The following ANAPC4 variants were observed in gnomAD, a reference collection of about 807,000 sequenced individuals.
ANAPC4 encodes anaphase promoting complex subunit 4, also known as anaphase-promoting complex subunit 4.
In ANAPC4, 63 loss-of-function variants were observed where a neutral mutation model predicts 119.8. The ratio of observed to expected loss-of-function variants is 0.53; its 90% CI spans 0.43 to 0.65. ANAPC4 has a LOEUF of 0.65. Ranked by LOEUF, ANAPC4 falls within the 30% of genes least tolerant of loss-of-function variation. The pLI is 0.00. For synonymous variants in ANAPC4, 283 were observed against 318.6 expected (o/e 0.89, Z 1.19); for missense variants, 716 against 945.1 (o/e 0.76, Z 3.18).
At position 25,380,410 on chromosome 4, in the gene ANAPC4, T is replaced by C; in HGVS notation, c.166T>C (p.Trp56Arg). The C allele has an allele frequency of 6.2e-7, 1 of 1,613,434 alleles. No individual in the cohort carries two copies. Among genetic ancestry groups the C allele is most frequent in the East Asian group, 2.2e-5 (1 of 44,862 alleles). Residue 56 changes from tryptophan to arginine, a missense_variant, in exon 3 of 29, where the codon TGG becomes CGG. Trp to Arg is a moderately radical substitution (Grantham distance 101). This residue lies in a region of ANAPC4 where 202 missense variants were observed against 293.5 expected (regional missense o/e 0.69). Transcript: ENST00000315368. Reference protein sequence around the residue: ...LHRLASFHRVWSFPPNENTGK... With the variant: ...LHRLASFHRVRSFPPNENTGK... The stretch of plus-strand genomic sequence containing the variant: ...TCGACTGGCAAGTTTTCATCGAGTT[T>C]GGAGTTTTCCACCAAATGAAAATAC...
rs745672751 is a variant in ANAPC4 at position 25,383,244 on chromosome 4, G to GT, written c.236-11dup. ...ATTGTTACACTAATTTATTCTGATT[G>GT]TTTTTTCTTGTTTTAGTTTTGGCCT... On this transcript the variant is annotated splice_polypyrimidine_tract_variant and intron_variant, in intron 3 of 28. Coordinates refer to ENST00000315368, the MANE Select transcript of ANAPC4 (RefSeq NM_013367.3). 3.2e-6 allele frequency: 5 copies of GT among 1,579,706 alleles called. No homozygotes were observed. In the South Asian group the frequency reaches 6.0e-5, roughly 19 times the overall value.
Position 25,418,171 on chromosome 4 carries a change from G to A in ANAPC4, c.2216G>A (p.Arg739His), listed in dbSNP as rs1723984585. The change falls in exon 29 of 29, where the codon CGT becomes CAT. Residue 739 changes from arginine to histidine, a missense_variant. Around this residue, in one of 3 missense-constraint regions of ANAPC4, gnomAD observed 504 missense variants for 615.8 expected, o/e 0.82. Transcript: ENST00000315368. ...CTTTTTTAGTTAAGCTCAAATCTTC[G>A]TCATGTGAGAGTATTTGAAATGGAC... Reference protein sequence around the residue: ...KVSCVLSSNLRHVRVFEMDID... With the variant: ...KVSCVLSSNLHHVRVFEMDID... 1.2e-5 allele frequency: 19 copies of A among 1,611,700 alleles called. No homozygotes were observed. Among genetic ancestry groups the A allele is most frequent in the Non-Finnish European group, 1.5e-5 (18 of 1,179,084 alleles).
At chr4:25,385,259 G>T (rs1721966434) in intron 4 of ANAPC4, among the ~76,000 whole-genome samples, 1 of 152,084 alleles carries the variant, frequency 6.6e-6, no homozygotes. Flanking sequence ...TATTTCACTG[G>T]CTTTAAAATA....
At position 25,416,538 on chromosome 4, in the gene ANAPC4, C is replaced by A; in HGVS notation, c.2015C>A (p.Ser672Tyr). 6.2e-7 allele frequency: 1 copy of A among 1,606,500 alleles called. No individual in the cohort carries two copies. Among genetic ancestry groups the A allele is most frequent in the Non-Finnish European group, 8.5e-7 (1 of 1,174,560 alleles). ...RDRLLVQLPL[S>Y]LVYNSEDSAE... is the part of the protein sequence containing the mutation. ...AGACTCTTGGTCCAGCTGCCTTTGT[C>A]TTTAGTATATAACAGTGAAGATTCT... Residue 672 changes from serine to tyrosine, a missense_variant, in exon 27 of 29, where the codon TCT (serine) becomes TAT (tyrosine). Ser to Tyr is a moderately radical substitution (Grantham distance 144, BLOSUM62 -2). This residue lies in a region of ANAPC4 where 504 missense variants were observed against 615.8 expected (regional missense o/e 0.82). Transcript: ENST00000315368.
chr4:25,415,148 G>C, intron 25 of ANAPC4: 1 of 231,478 alleles, frequency 4.3e-6, no homozygotes, highest in Non-Finnish European at 8.2e-6. Flanking sequence ...GAAATTGAAA[G>C]TAGAAGTTCT....
At chr4:25,399,149 G>A (rs796373356) in intron 16 of ANAPC4, among the ~76,000 whole-genome samples, 13 of 152,032 alleles carry the variant, frequency 8.6e-5, no homozygotes, top group African/African-American at 2.7e-4. Flanking sequence ...TATATCAGGT[G>A]CCTTTTACCT....
intron 3 of ANAPC4, among the ~76,000 whole-genome samples, chr4:25,381,764 A>G (rs1721740523): frequency 1.3e-5 from 2 of 152,300 alleles, no homozygotes; most frequent in South Asian, 4.1e-4. Context: ...CCTGGCCAAT[A>G]TGGTGAAACC....
At position 25,418,250 on chromosome 4, in the gene ANAPC4, T is replaced by C; in HGVS notation, c.2295T>C (p.Ser765=). The C allele has an allele frequency of 1.2e-6, 2 of 1,614,098 alleles. No individual in the cohort carries two copies. Among genetic ancestry groups the C allele is most frequent in the Non-Finnish European group, 8.5e-7 (1 of 1,179,976 alleles). Residue 765 remains serine, a synonymous_variant, in exon 29 of 29, where the codon AGT becomes AGC. Coordinates refer to ENST00000315368, the MANE Select transcript of ANAPC4 (RefSeq NM_013367.3). ...DESSDEEEEA[S]NKPVKIKEEV... ...CTTCAGATGAAGAGGAGGAGGCCAG[T>C]AATAAGCCTGTAAAAATAAAGGAAG...
intron 16 of ANAPC4, among the ~76,000 whole-genome samples, chr4:25,398,544 A>G (rs1406096785): frequency 6.6e-6 from 1 of 152,200 alleles, no homozygotes; most frequent in Non-Finnish European, 1.5e-5. Flanking sequence ...GACAGGTGAT[A>G]GAGGATGGCC....
rs1721447781 is a variant in ANAPC4, at chr4:25,377,275, G to T, written c.-80G>T. 1.8e-6 allele frequency: 2 copies of T among 1,089,972 alleles called. No homozygotes were observed. Among genetic ancestry groups the T allele is most frequent in the African/African-American group, 3.2e-5 (2 of 61,984 alleles). 67.5% of individuals were successfully genotyped at this position (1,089,972 alleles called of 1,614,324 possible). A position where few individuals can be genotyped will look rare whatever the true frequency, so the allele number is the denominator to read the frequency against. ...GGGGCGGGGCGGCCTGGAGGCTGTG[G>T]CGCGCGGCCGGCAGAGGGAGGGGAG... On this transcript the variant is annotated 5_prime_UTR_variant, in exon 1 of 29. Transcript: ENST00000315368.
chr4:25,398,614 A>C (rs926173044), intron 16 of ANAPC4, among the ~76,000 whole-genome samples: 5 of 152,284 alleles, frequency 3.3e-5, no homozygotes, highest in South Asian at 4.2e-4. Flanking sequence ...GGATGTAAAG[A>C]GAAGCCCTTG....
intron 25 of ANAPC4, 170 bp from the exon 26 acceptor site, chr4:25,415,294 CTG>C (rs777592588): frequency 8.4e-6 from 4 of 475,908 alleles, no homozygotes; most frequent in African/African-American, 2.0e-5. Flanking sequence ...TCTTTGGTGA[CTG>C]TGTGATTTTA....
Position 25,405,619 on chromosome 4 carries a change from G to C in ANAPC4, c.1317G>C (p.Lys439Asn). 1 of 1,613,524 alleles carries C rather than the reference G, an allele frequency of 6.2e-7. No homozygotes were observed. The highest frequency in any genetic ancestry group is 8.5e-7 in the Non-Finnish European group (1 of 1,179,590). The change falls in exon 18 of 29, where the codon AAG (lysine) becomes AAC (asparagine). Residue 439 changes from lysine (K) to asparagine (N), a missense_variant and splice_region_variant. Physicochemically the swap from Lys to Asn is moderately conservative, Grantham distance 94 (BLOSUM62 0). Transcript: ENST00000315368. This position sits in a 1 kb window ranked among gnomAD's most constrained non-coding sequence, Gnocchi z 4.6. The stretch of plus-strand genomic sequence containing the variant: ...ACCATGTGCTTCCCGAGCTGAATAA[G>C]GTAGTATGTACTAGTGCATTTTCAC... ...TEDHVLPELN[K>N]MTQKDITFVA... is the part of the protein sequence containing the mutation.
At chr4:25,385,878 T>C (rs991164229) in intron 4 of ANAPC4, among the ~76,000 whole-genome samples, 2 of 152,206 alleles carry the variant, frequency 1.3e-5, no homozygotes, top group Non-Finnish European at 2.9e-5. Flanking sequence ...GGCCAGTAAA[T>C]AGAGCAGTTA....
At chr4:25,392,276 A>G in intron 9 of ANAPC4, 62 bp from the exon 10 acceptor site, 1 of 1,202,350 alleles carries the variant, frequency 8.3e-7, no homozygotes, top group East Asian at 2.3e-5. Flanking sequence ...CCACACTCTA[A>G]ATTACAGACT....
At chr4:25,410,796 A>G (rs1269238605) in intron 21 of ANAPC4, among the ~76,000 whole-genome samples, 2 of 152,212 alleles carry the variant, frequency 1.3e-5, no homozygotes, top group Non-Finnish European at 2.9e-5. Flanking sequence ...GCACAAAATT[A>G]TTAAATATAT....
At chr4:25,399,492 A>AT (rs1340124534) in intron 16 of ANAPC4, among the ~76,000 whole-genome samples, 2 of 151,750 alleles carry the variant, frequency 1.3e-5, no homozygotes, top group South Asian at 2.1e-4. Flanking sequence ...GGGTTATCTG[A>AT]TTTTTTTTAA....
intron 4 of ANAPC4, among the ~76,000 whole-genome samples, chr4:25,384,817 T>C (rs1217147366): frequency 6.6e-6 from 1 of 151,668 alleles, no homozygotes; most frequent in Non-Finnish European, 1.5e-5. Flanking sequence ...AAAAAAGACT[T>C]GACAGTTGAA....
intron 10 of ANAPC4, 79 bp from the exon 11 acceptor site, chr4:25,393,726 G>C: frequency 2.7e-6 from 2 of 746,594 alleles, no homozygotes; most frequent in Middle Eastern, 2.5e-4. Flanking sequence ...TGAGACACTT[G>C]ATCATAAGCA....
Sources: gnomAD v4.1 joint callset for allele counts (sites outside exome capture counted in the v4.1 genomes callset) on GRCh38, gnomAD v4.1.1 for gene constraint, gnomAD v4.1.1 regional missense constraint, Gnocchi (gnomAD v3.1) non-coding constraint, MANE v1.5 for transcripts, NCBI Gene and HGNC (gene_info 2026-07-23, HGNC 2026-07-21) for gene names.